Variants in PRPF8 observed in about 807,000 individuals in gnomAD.
The protein encoded by PRPF8 is pre-mRNA-processing-splicing factor 8.
In PRPF8, 64 loss-of-function variants were observed where a neutral mutation model predicts 285.9. The observed-to-expected ratio is 0.22, with a 90% confidence interval of 0.18 to 0.28. PRPF8 has a LOEUF of 0.28. Among genes scored for constraint, PRPF8 ranks in the 10% least tolerant of loss-of-function variants. PRPF8 has a pLI of 1.00. For synonymous variants in PRPF8, 1,325 were observed against 1,118.2 expected (o/e 1.18, Z -3.69); for missense variants, 1,426 against 3,026.7 (o/e 0.47, Z 12.41).
chr17:1,684,013 A>T (rs1056688665), intron 2 of PRPF8, among the ~76,000 whole-genome samples: 1 of 149,436 alleles, frequency 6.7e-6, no homozygotes, highest in South Asian at 2.1e-4. Context: ...CAGCCTCCCC[A>T]GTAGCTGGGA....
intron 20 of PRPF8, 67 bp from the exon 21 acceptor site, chr17:1,674,747 C>T: frequency 6.7e-7 from 1 of 1,488,992 alleles, no homozygotes; most frequent in Non-Finnish European, 9.4e-7. Flanking sequence ...GAGTTAACCT[C>T]TTTTGTTCTC....
At chr17:1,682,501 A>G (rs2151132375) in intron 3 of PRPF8, among the ~76,000 whole-genome samples, 1 of 152,202 alleles carries the variant, frequency 6.6e-6, no homozygotes, top group South Asian at 2.1e-4. Context: ...TCATAATCCC[A>G]CAATGCTGGT....
intron 8 of PRPF8, among the ~76,000 whole-genome samples, chr17:1,680,162 A>C (rs1315545105): frequency 6.6e-6 from 1 of 152,210 alleles, no homozygotes; most frequent in East Asian, 1.9e-4. Flanking sequence ...TAAGCTTAAG[A>C]AGCCAGTCAC....
chr17:1,677,226 A>T, intron 14 of PRPF8, 54 bp from the exon 15 acceptor site: 1 of 1,529,006 alleles, frequency 6.5e-7, no homozygotes, highest in Non-Finnish European at 9.0e-7. Flanking sequence ...GCTTTCAATA[A>T]GGGTCTCTAC....
Position 1,653,750 on chromosome 17 carries a change from C to T in PRPF8, c.6227+27G>A, listed in dbSNP as rs767817144. On this transcript the variant is annotated intron_variant, in intron 38 of 42. Coordinates refer to ENST00000304992, the MANE Select transcript of PRPF8 (RefSeq NM_006445.4). This position sits in a 1 kb window ranked among gnomAD's most constrained non-coding sequence, Gnocchi z 4.9. ...CCTTAGGTAGTGCAGCCGGCCTTTC[C>T]ATCCCCACCCTCTTGCCCGACAGTA... 5.0e-6 allele frequency: 8 copies of T among 1,613,998 alleles called. No individual in the cohort carries two copies. Among genetic ancestry groups the T allele is most frequent in the Admixed American group, 3.3e-5 (2 of 59,996 alleles).
At chr17:1,664,608 TC>T (rs79263426) in intron 24 of PRPF8, among the ~76,000 whole-genome samples, 28,025 of 151,088 alleles carry the variant, frequency 0.19, 5,432 homozygotes, top group African/African-American at 0.5. Context: ...GGAGTTTGGG[TC>T]CAACCTAGGC....
rs1567678969 is a variant in PRPF8, at chr17:1,659,689, G to T, written c.4947-141C>A. 7.4e-7 allele frequency: 1 copy of T among 1,360,098 alleles called. No individual in the cohort carries two copies. The highest frequency in any genetic ancestry group is 1.0e-6 in the Non-Finnish European group (1 of 975,416). The allele number at this position is 1,360,098 out of a possible 1,614,324, so 84.3% of individuals were successfully genotyped here. On this transcript the variant is annotated intron_variant, in intron 31 of 42. Coordinates refer to ENST00000304992, the MANE Select transcript of PRPF8 (RefSeq NM_006445.4). This position sits in a 1 kb window ranked among gnomAD's most constrained non-coding sequence, Gnocchi z 5.1. ...TCAGCAGGACCCCAGAGAATCAGCAGATCTGACTAAGGGTGTTGACAGGCT... is the reference window on the plus strand; with the variant it reads ...TCAGCAGGACCCCAGAGAATCAGCATATCTGACTAAGGGTGTTGACAGGCT...
In PRPF8 at chr17:1,676,920, T is replaced by C; in HGVS notation, c.2181+56A>G. The C allele has an allele frequency of 6.3e-7, 1 of 1,595,798 alleles. No homozygotes were observed. Among genetic ancestry groups the C allele is most frequent in the Non-Finnish European group, 8.6e-7 (1 of 1,167,950 alleles). On this transcript the variant is annotated intron_variant, in intron 15 of 42. Transcript: ENST00000304992. This position sits in a 1 kb window ranked among gnomAD's most constrained non-coding sequence, Gnocchi z 6.3. ...AGCCCCCTAATGATTCCCGAAGTGG[T>C]AATCCTACCCTAAAGACGGATGTTT...
rs1597245435 is a variant in PRPF8 at position 1,676,151 on chromosome 17, G to A, written c.2552+56C>T. On this transcript the variant is annotated intron_variant, in intron 17 of 42. Coordinates refer to ENST00000304992, the MANE Select transcript of PRPF8 (RefSeq NM_006445.4). The surrounding 1 kb of genome is among the most constrained non-coding windows in gnomAD (Gnocchi z 6.3). ...CCTTCTTTCTTTGGACTCTGAGGAT[G>A]ACGCCATTCCCTGCTGTCACCTTCC... The A allele has an allele frequency of 6.2e-7, 1 of 1,612,168 alleles. No homozygotes were observed. Among genetic ancestry groups the A allele is most frequent in the Non-Finnish European group, 8.5e-7 (1 of 1,179,884 alleles).
chr17:1,656,284 C>T, intron 36 of PRPF8, 108 bp downstream of exon 36: 1 of 1,380,422 alleles, frequency 7.2e-7, no homozygotes, highest in Non-Finnish European at 1.0e-6. Flanking sequence ...GAGTTCCCAC[C>T]CAATCTATAG....
At chr17:1,652,045 T>C (rs936034176) in intron 39 of PRPF8, 85 of 588,748 alleles carry the variant, frequency 1.4e-4, no homozygotes, top group Non-Finnish European at 2.0e-4. Flanking sequence ...CAGCTGATTA[T>C]TAAGCATAGT....
chr17:1,680,332 C>T (rs559078014), intron 8 of PRPF8: 2 of 327,650 alleles, frequency 6.1e-6, no homozygotes, highest in Non-Finnish European at 1.1e-5. Flanking sequence ...TAAAAATATT[C>T]TCAAATTGCA....
chr17:1,669,129 C>T (rs938828266), intron 24 of PRPF8, among the ~76,000 whole-genome samples: 1 of 152,130 alleles, frequency 6.6e-6, no homozygotes, highest in Non-Finnish European at 1.5e-5. Flanking sequence ...TTCTTCGAGA[C>T]GGAGTCTTGC....
intron 24 of PRPF8, 163 bp downstream of exon 24, chr17:1,672,918 A>C: frequency 1.4e-6 from 1 of 715,324 alleles, no homozygotes; most frequent in South Asian, 1.5e-5. Flanking sequence ...ATAACGATGA[A>C]GTGACCTGAC....
intron 24 of PRPF8, among the ~76,000 whole-genome samples, chr17:1,670,463 T>C (rs1337559018): frequency 1.3e-5 from 2 of 152,190 alleles, no homozygotes; most frequent in Non-Finnish European, 2.9e-5. Context: ...CTACCTCTAC[T>C]TTCAGTGCTC....
rs747730775 is a variant in PRPF8 at position 1,679,452 on chromosome 17, C to T, written c.1290-42G>A. On this transcript the variant is annotated intron_variant, in intron 9 of 42. Coordinates refer to ENST00000304992, the MANE Select transcript of PRPF8 (RefSeq NM_006445.4). The surrounding 1 kb of genome is among the most constrained non-coding windows in gnomAD (Gnocchi z 4.7). Reference sequence around the variant, plus strand: ...ACCAGAGTTTGGCCATCTCTTCTTCCAGACACTCTGCTAAAGGCTGCAAGC... The same window carrying T: ...ACCAGAGTTTGGCCATCTCTTCTTCTAGACACTCTGCTAAAGGCTGCAAGC... 1.2e-6 allele frequency: 2 copies of T among 1,611,796 alleles called. No individual in the cohort carries two copies. Among genetic ancestry groups the T allele is most frequent in the Non-Finnish European group, 1.7e-6 (2 of 1,179,986 alleles).
Position 1,653,621 on chromosome 17 carries a change from A to T in PRPF8, c.6290T>A (p.Ile2097Asn). 2.5e-6 allele frequency: 4 copies of T among 1,614,218 alleles called. No homozygotes were observed. Among genetic ancestry groups the T allele is most frequent in the Non-Finnish European group, 3.4e-6 (4 of 1,180,032 alleles). ...TNHIYVSSDD[I>N]KETGYTYILP... ...GATGTAGGTGTAGCCAGTCTCCTTG[A>T]TGTCGTCAGATGAAACATAGATGTG... Residue 2097 changes from isoleucine to asparagine, a missense_variant, in exon 39 of 43, where the codon ATC (isoleucine) becomes AAC (asparagine). This residue lies in a region of PRPF8 where 160 missense variants were observed against 373.7 expected (regional missense o/e 0.43). Transcript: ENST00000304992. This position sits in a 1 kb window ranked among gnomAD's most constrained non-coding sequence, Gnocchi z 4.9.
rs1273583044 is a variant in PRPF8 at position 1,651,761 on chromosome 17, G to A, written c.6397C>T (p.Pro2133Ser). The part of the protein sequence containing the change: ...QIAGYLYGVS[P>S]PDNPQVKEIR... ...TCCTTCACCTGGGGGTTATCTGGTG[G>A]GCTCACCCCATATAGGTATCCTGCA... Residue 2133 changes from proline (P) to serine (S), a missense_variant, in exon 40 of 43, where the codon CCA becomes TCA. Pro to Ser is a moderately conservative substitution (Grantham distance 74). This residue lies in a region of PRPF8 where 160 missense variants were observed against 373.7 expected (regional missense o/e 0.43). Coordinates refer to ENST00000304992, the MANE Select transcript of PRPF8 (RefSeq NM_006445.4). This position sits in a 1 kb window ranked among gnomAD's most constrained non-coding sequence, Gnocchi z 5.1. 1 of 1,613,958 alleles carries A rather than the reference G, an allele frequency of 6.2e-7. No homozygotes were observed. The highest frequency in any genetic ancestry group is 8.5e-7 in the Non-Finnish European group (1 of 1,180,020).
Position 1,655,922 on chromosome 17 carries a change from GC to G in PRPF8, c.5794-380del, listed in dbSNP as rs1472817558. Among the ~76,000 whole-genome samples the G allele has an allele frequency of 1.6e-4, 22 of 133,910 alleles. No individual in the cohort carries two copies. In the East Asian group the frequency reaches 3.9e-3, roughly 24 times the overall value. The allele number at this position is 133,910 out of a possible 152,430, so 87.9% of individuals were successfully genotyped here. A position where few individuals can be genotyped will look rare whatever the true frequency, so the allele number is the denominator to read the frequency against. On this transcript the variant is annotated intron_variant, in intron 36 of 42. Transcript: ENST00000304992. The stretch of plus-strand genomic sequence containing the variant: ...TTACAGGCGTGAGCCACTGCGCCCG[GC>G]CTTTTTTTTTTTTTTTTTAGACAGT...
Sources: gnomAD v4.1 joint callset for allele counts (sites outside exome capture counted in the v4.1 genomes callset) on GRCh38, gnomAD v4.1.1 for gene constraint, gnomAD v4.1.1 regional missense constraint, Gnocchi (gnomAD v3.1) non-coding constraint, MANE v1.5 for transcripts, NCBI Gene and HGNC (gene_info 2026-07-23, HGNC 2026-07-21) for gene names.